STK33: variants seen among roughly 807,000 people sequenced by gnomAD.
STK33 encodes the protein serine/threonine kinase 33.
STK33 carries 52 observed loss-of-function variants against 58.0 expected under a neutral mutation model. That is an observed-to-expected ratio of 0.90 (90% confidence interval 0.72 to 1.13). STK33 has a LOEUF of 1.13. Ranked by LOEUF, STK33 falls within the 50% of genes most tolerant of loss-of-function variation. STK33 has a pLI of 0.00. For missense variants in STK33, 630 were observed against 604.2 expected (o/e 1.04, Z -0.45); for synonymous variants, 215 against 200.1 (o/e 1.07, Z -0.63).
chr11:8,336,898 C>T, the STK33 span, among the ~76,000 whole-genome samples: 2 of 152,352 alleles, frequency 1.3e-5, no homozygotes, highest in South Asian at 2.1e-4. Context: ...CACTAAGCCC[C>T]GAGGCCGGTA....
At chr11:8,445,629 TGAGATA>T (rs59323709) in intron 11 of STK33, among the ~76,000 whole-genome samples, 12,154 of 152,138 alleles carry the variant, frequency 0.08, 1,028 homozygotes, top group African/African-American at 0.22. Flanking sequence ...CTGCATCTAT[TGAGATA>T]ATCATGTGGT....
Position 8,491,276 on chromosome 11 carries a change from C to T in STK33, c.-465-10662G>A, listed in dbSNP as rs906875150. Reference sequence around the variant, plus strand: ...GACCTGATGGAGCTGAAAACCATGGCGCAAGAACTACATGATGCATGTACA... The same window carrying T: ...GACCTGATGGAGCTGAAAACCATGGTGCAAGAACTACATGATGCATGTACA... On this transcript the variant is annotated intron_variant, in intron 1 of 15. Transcript: ENST00000687296. Among the ~76,000 whole-genome samples the T allele has an allele frequency of 3.9e-5, 6 of 152,084 alleles. No homozygotes were observed. In the East Asian group the frequency reaches 1.2e-3, roughly 29 times the overall value.
intron 6 of STK33, 31 bp from the exon 7 acceptor site, chr11:8,464,853 C>T: frequency 7.3e-7 from 1 of 1,375,584 alleles, no homozygotes; most frequent in Non-Finnish European, 1.0e-6. Context: ...AGTTGTCTCT[C>T]TATGCCATTC....
chr11:8,411,218 A>G (rs1466999174), intron 15 of STK33, among the ~76,000 whole-genome samples: 1 of 152,250 alleles, frequency 6.6e-6, no homozygotes, highest in Non-Finnish European at 1.5e-5. Context: ...GCATGTGAGA[A>G]ACAAGATATA....
the STK33 span, among the ~76,000 whole-genome samples, chr11:8,344,006 C>A: frequency 1.3e-5 from 2 of 152,144 alleles, no homozygotes; most frequent in Non-Finnish European, 2.9e-5. Context: ...CTTCTTCCAG[C>A]AGTCCGCTCT....
At chr11:8,522,178 A>T (rs1427616106) in intron 1 of STK33, among the ~76,000 whole-genome samples, 1 of 152,172 alleles carries the variant, frequency 6.6e-6, no homozygotes, top group African/African-American at 2.4e-5. Flanking sequence ...CATGCACATG[A>T]TGTTTACTGT....
chr11:8,516,211 T>C (rs973697698), intron 1 of STK33, among the ~76,000 whole-genome samples: 5 of 152,116 alleles, frequency 3.3e-5, no homozygotes, highest in African/African-American at 9.7e-5. Flanking sequence ...GATAAACATA[T>C]TGACTAATGG....
At chr11:8,470,186 T>A (rs1343439964) in intron 6 of STK33, among the ~76,000 whole-genome samples, 1 of 152,238 alleles carries the variant, frequency 6.6e-6, no homozygotes, top group African/African-American at 2.4e-5. Context: ...AGTGTAGCCA[T>A]CTTCTATCAA....
intron 1 of STK33, among the ~76,000 whole-genome samples, chr11:8,483,272 C>T (rs537106832): frequency 6.6e-6 from 1 of 152,154 alleles, no homozygotes; most frequent in African/African-American, 2.4e-5. Context: ...GGGCCCAGAA[C>T]CTGTGGTTCC....
At chr11:8,369,665 C>G in the STK33 span, among the ~76,000 whole-genome samples, 3 of 152,120 alleles carry the variant, frequency 2.0e-5, no homozygotes, top group Non-Finnish European at 2.9e-5. Flanking sequence ...GCTCTGATGC[C>G]GGAGCTTAGC....
intron 11 of STK33, among the ~76,000 whole-genome samples, chr11:8,447,273 C>A (rs1391126098): frequency 6.6e-6 from 1 of 152,216 alleles, no homozygotes; most frequent in East Asian, 1.9e-4. Context: ...GGAATCCTCC[C>A]TAACTCATTT....
chr11:8,491,635 A>T (rs1030207379), intron 1 of STK33, among the ~76,000 whole-genome samples: 1 of 152,210 alleles, frequency 6.6e-6, no homozygotes, highest in Admixed American at 6.5e-5. Flanking sequence ...CCCAAGACAC[A>T]TAATTGTCAG....
chr11:8,574,770 G>C (rs1958060015), intron 1 of STK33, among the ~76,000 whole-genome samples: 2 of 152,148 alleles, frequency 1.3e-5, no homozygotes, highest in South Asian at 4.1e-4. Flanking sequence ...TAGGCATGGT[G>C]GCTCATGCCT....
chr11:8,570,511 A>C (rs562429004), intron 1 of STK33, among the ~76,000 whole-genome samples: 170 of 152,360 alleles, frequency 1.1e-3, no homozygotes, highest in Non-Finnish European at 1.9e-3. Context: ...AAACAACCCA[A>C]ATGAATGTCC....
At chr11:8,350,178 G>A in the STK33 span, among the ~76,000 whole-genome samples, 21 of 152,342 alleles carry the variant, frequency 1.4e-4, no homozygotes, top group African/African-American at 4.8e-4. Context: ...GCTCTGTGGT[G>A]GCAGACGATT....
intron 1 of STK33, among the ~76,000 whole-genome samples, chr11:8,525,065 A>G (rs527700066): frequency 6.6e-6 from 1 of 152,284 alleles, no homozygotes; most frequent in South Asian, 2.1e-4. Flanking sequence ...AAAAGATAGA[A>G]CTTTAAGCAG....
At chr11:8,536,971 G>GTT (rs1414218820) in intron 1 of STK33, among the ~76,000 whole-genome samples, 32 of 40,934 alleles carry the variant, frequency 7.8e-4, no homozygotes, top group East Asian at 1.8e-3. Context: ...AAAAAAAAAA[G>GTT]ATTTTTTTTT....
intron 1 of STK33, among the ~76,000 whole-genome samples, chr11:8,524,787 C>T (rs1414646615): frequency 6.6e-6 from 1 of 151,800 alleles, no homozygotes; most frequent in Non-Finnish European, 1.5e-5. Flanking sequence ...TAAGTAAGGA[C>T]TTACTGTACT....
intron 1 of STK33, among the ~76,000 whole-genome samples, chr11:8,496,677 C>G (rs560704608): frequency 1.3e-3 from 201 of 151,886 alleles, no homozygotes; most frequent in African/African-American, 4.6e-3. Context: ...CAGGTTCACG[C>G]CATTCTCCTG....
Sources: allele counts gnomAD v4.1 joint callset (sites outside exome capture counted in the v4.1 genomes callset), GRCh38; gene constraint gnomAD v4.1.1; transcripts MANE v1.5; gene names NCBI Gene and HGNC (gene_info 2026-07-23, HGNC 2026-07-21).